The following MTMR3 variants were observed in gnomAD, a reference collection of about 807,000 sequenced individuals.
MTMR3 encodes myotubularin related protein 3.
Under a neutral mutation model 132.4 loss-of-function variants are expected in MTMR3, and 32 were observed. The observed-to-expected ratio is 0.24, with a 90% confidence interval of 0.18 to 0.32. The LOEUF is 0.32. MTMR3 is among the 10% of genes least tolerant of loss of function. The probability of loss-of-function intolerance (pLI) is 1.00; values close to 1 mark genes in which losing one functional copy is unlikely to be tolerated. For missense variants in MTMR3, 1,216 were observed against 1,489.6 expected (o/e 0.82, Z 3.02); for synonymous variants, 556 against 550.3 (o/e 1.01, Z -0.14).
chr22:29,928,306 G>A (rs1045806302), intron 1 of MTMR3, among the ~76,000 whole-genome samples: 1 of 151,680 alleles, frequency 6.6e-6, no homozygotes, highest in Non-Finnish European at 1.5e-5. Flanking sequence ...CTAGTAGCTG[G>A]GGTTGCAGGC....
intron 1 of MTMR3, among the ~76,000 whole-genome samples, chr22:29,914,084 A>G (rs1468754642): frequency 6.6e-6 from 1 of 152,132 alleles, no homozygotes; most frequent in Non-Finnish European, 1.5e-5. Context: ...TCTCCTCTGA[A>G]TATTTGCAAC....
intron 1 of MTMR3, among the ~76,000 whole-genome samples, chr22:29,886,119 AT>A (rs1452206641): frequency 6.6e-6 from 1 of 152,194 alleles, no homozygotes; most frequent in African/African-American, 2.4e-5. Context: ...AGTGAATACT[AT>A]TGATATGGGA....
intron 16 of MTMR3, chr22:30,018,364 TTTC>T (rs2067653982): frequency 6.0e-6 from 2 of 335,688 alleles, no homozygotes; most frequent in South Asian, 1.4e-4. Context: ...TGGTTTGTGT[TTTC>T]CCCAGTGCTC....
chr22:30,020,550 G>C lies in MTMR3; in HGVS notation c.2891G>C (p.Gly964Ala). 6.2e-7 allele frequency: 1 copy of C among 1,614,190 alleles called. No individual in the cohort carries two copies. The highest frequency in any genetic ancestry group is 8.5e-7 in the Non-Finnish European group (1 of 1,180,046). Residue 964 changes from glycine (G) to alanine (A), a missense_variant, in exon 17 of 20, where the codon GGT becomes GCT. By Grantham distance (60) the Gly-to-Ala change is moderately conservative (BLOSUM62 0). Around this residue, in one of 7 missense-constraint regions of MTMR3, gnomAD observed 852 missense variants for 852.0 expected, o/e 1.00. Coordinates refer to ENST00000401950, the MANE Select transcript of MTMR3 (RefSeq NM_021090.4). Reference sequence around the variant, plus strand: ...GGGCATTGCGCCAATGGGGAGGCTGGTAGGAGCAAGGACTCACTGAGCCGT... The same window carrying C: ...GGGCATTGCGCCAATGGGGAGGCTGCTAGGAGCAAGGACTCACTGAGCCGT... ...PNGHCANGEAGRSKDSLSRQL... is the reference protein window; with the variant it reads ...PNGHCANGEAARSKDSLSRQL...
chr22:30,013,238 G>A (rs2067480282), intron 13 of MTMR3, 118 bp from the exon 14 acceptor site: 2 of 1,020,890 alleles, frequency 2.0e-6, no homozygotes, highest in South Asian at 1.7e-5. Context: ...AAAGGGCAAG[G>A]CCGGGTGGGC....
At chr22:29,912,842 A>G (rs1245932492) in intron 1 of MTMR3, among the ~76,000 whole-genome samples, 5 of 152,226 alleles carry the variant, frequency 3.3e-5, no homozygotes, top group Admixed American at 1.3e-4. Flanking sequence ...TCTGTGCTAC[A>G]TCATCCAACT....
At chr22:29,978,649 A>G in intron 4 of MTMR3, 118 bp downstream of exon 4, 2 of 751,740 alleles carry the variant, frequency 2.7e-6, no homozygotes, top group Non-Finnish European at 4.2e-6. Context: ...CATGTAGTAG[A>G]AATGCAAGCT....
intron 14 of MTMR3, chr22:30,015,393 T>C (rs1009478268): frequency 6.6e-6 from 1 of 151,990 alleles, no homozygotes; most frequent in African/African-American, 2.4e-5. Flanking sequence ...GTTTCCTCAC[T>C]ATAAAACTTG....
chr22:29,967,244 C>T (rs752039325), intron 2 of MTMR3, among the ~76,000 whole-genome samples: 37 of 148,464 alleles, frequency 2.5e-4, no homozygotes, highest in Admixed American at 4.0e-4. Flanking sequence ...CATGCGCGCG[C>T]GCGCGCATGT....
chr22:30,016,442 T>G, intron 14 of MTMR3, 86 bp from the exon 15 acceptor site: 6 of 1,427,292 alleles, frequency 4.2e-6, no homozygotes, highest in Non-Finnish European at 5.8e-6. Flanking sequence ...TTCTCAGGGA[T>G]GTTAGGATAA....
chr22:29,889,540 G>A (rs1021541885), intron 1 of MTMR3, among the ~76,000 whole-genome samples: 8 of 151,782 alleles, frequency 5.3e-5, no homozygotes, highest in Middle Eastern at 3.4e-3. Flanking sequence ...GCCTGCCTTC[G>A]CCTCCCAAAG....
At chr22:30,011,717 T>C (rs2067431538) in intron 12 of MTMR3, 1 of 152,458 alleles carries the variant, frequency 6.6e-6, no homozygotes, top group East Asian at 1.9e-4. Context: ...ATCCAGTCTG[T>C]GTTGAGCCCA....
At chr22:29,942,637 C>G (rs1330893471) in intron 1 of MTMR3, among the ~76,000 whole-genome samples, 4 of 152,206 alleles carry the variant, frequency 2.6e-5, no homozygotes, top group Non-Finnish European at 5.9e-5. Context: ...AGAGGCTTCC[C>G]CTCAGGGACG....
intron 1 of MTMR3, among the ~76,000 whole-genome samples, chr22:29,950,346 C>T (rs1302718066): frequency 1.3e-5 from 2 of 150,194 alleles, no homozygotes; most frequent in Admixed American, 6.7e-5. Context: ...GGGAACATTT[C>T]TGTTTTTTAT....
At chr22:29,992,353 C>T (rs921545358) in intron 7 of MTMR3, 4 of 152,180 alleles carry the variant, frequency 2.6e-5, no homozygotes, top group Admixed American at 1.3e-4. Context: ...AGGCGTGAGC[C>T]ACAGCTCCTG....
chr22:30,016,617 A>G lies in MTMR3; in HGVS notation c.1593A>G (p.Glu531=), dbSNP rs1178635470. Residue 531 remains glutamate, a synonymous_variant, in exon 15 of 20, where the codon GAA becomes GAG. Transcript: ENST00000401950. ...AGAGAGGGGAAAAGCATACTCAGGA[A>G]CGGACATGTTCCGTGTGGTCACTTC... ...AKERGEKHTQ[E]RTCSVWSLLR... is the part of the protein sequence containing the mutation. The G allele has an allele frequency of 6.2e-7, 1 of 1,614,194 alleles. No homozygotes were observed. Among genetic ancestry groups the G allele is most frequent in the East Asian group, 2.2e-5 (1 of 44,878 alleles).
At chr22:29,906,522 G>C (rs926082540) in intron 1 of MTMR3, among the ~76,000 whole-genome samples, 4 of 151,422 alleles carry the variant, frequency 2.6e-5, no homozygotes, top group African/African-American at 7.3e-5. Flanking sequence ...TTTTAATAGA[G>C]ACGGAGTTTC....
At chr22:29,902,349 A>G (rs1394085626) in intron 1 of MTMR3, among the ~76,000 whole-genome samples, 3 of 151,542 alleles carry the variant, frequency 2.0e-5, no homozygotes, top group Non-Finnish European at 2.9e-5. Flanking sequence ...TAAATTGTCA[A>G]TCATTGACTT....
chr22:29,921,094 G>A (rs74852033), intron 1 of MTMR3, among the ~76,000 whole-genome samples: 8,257 of 152,058 alleles, frequency 0.054, 328 homozygotes, highest in South Asian at 0.17. Context: ...CCCAAGGCTG[G>A]GTAGTTTATA....
Sources: allele counts gnomAD v4.1 joint callset (sites outside exome capture counted in the v4.1 genomes callset), GRCh38; gene constraint gnomAD v4.1.1; regional missense constraint gnomAD v4.1.1; transcripts MANE v1.5; gene names NCBI Gene and HGNC (gene_info 2026-07-23, HGNC 2026-07-21).